CC2D2A: variants seen among roughly 807,000 people sequenced by gnomAD.
CC2D2A encodes coiled-coil and C2 domain-containing protein 2A.
CC2D2A carries 155 observed loss-of-function variants against 212.9 expected under a neutral mutation model. The observed-to-expected ratio is 0.73, with a 90% CI of 0.64 to 0.83. CC2D2A has a LOEUF of 0.83. CC2D2A is among the 40% of genes least tolerant of loss of function. The pLI is 0.00. For missense variants in CC2D2A, 1,856 were observed against 1,956.2 expected (o/e 0.95, Z 0.97); for synonymous variants, 667 against 686.5 (o/e 0.97, Z 0.44).
intron 8 of CC2D2A, among the ~76,000 whole-genome samples, chr4:15,513,274 A>G (rs996724322): frequency 1.3e-5 from 2 of 152,256 alleles, no homozygotes; most frequent in African/African-American, 4.8e-5. Flanking sequence ...AACCCAAAAA[A>G]GAAGCCACAG....
At chr4:15,577,953 A>G (rs1280738183) in intron 29 of CC2D2A, among the ~76,000 whole-genome samples, 1 of 152,234 alleles carries the variant, frequency 6.6e-6, no homozygotes, top group Non-Finnish European at 1.5e-5. Context: ...CAAAACTTGG[A>G]TGAATGAGTA....
intron 17 of CC2D2A, among the ~76,000 whole-genome samples, chr4:15,543,195 A>G (rs545640442): frequency 6.6e-6 from 1 of 152,328 alleles, no homozygotes; most frequent in South Asian, 2.1e-4. Context: ...TGTATTGATA[A>G]CAGGATTGAT....
intron 2 of CC2D2A, among the ~76,000 whole-genome samples, chr4:15,476,327 G>T (rs1440718478): frequency 6.6e-6 from 1 of 152,218 alleles, no homozygotes; most frequent in Admixed American, 6.5e-5. Context: ...ACACTCAGCT[G>T]CTGTGATTGG....
intron 1 of CC2D2A, chr4:15,473,090 A>T (rs1713945649): frequency 6.6e-6 from 1 of 152,356 alleles, no homozygotes; most frequent in East Asian, 1.9e-4. Context: ...GAATGTGGCT[A>T]TGGAACCACA....
chr4:15,482,080 T>G (rs1477910415), intron 4 of CC2D2A: 10 of 985,342 alleles, frequency 1.0e-5, no homozygotes, highest in Non-Finnish European at 1.2e-5. Flanking sequence ...GTGGTTACAC[T>G]TTTTAATTGT....
chr4:15,497,090 A>G (rs987336092), intron 4 of CC2D2A, among the ~76,000 whole-genome samples: 1 of 152,228 alleles, frequency 6.6e-6, no homozygotes, highest in African/African-American at 2.4e-5. Flanking sequence ...AGCAAAAATG[A>G]GCCCAAATAG....
intron 1 of CC2D2A, among the ~76,000 whole-genome samples, chr4:15,473,433 A>G (rs1026198784): frequency 7.2e-5 from 11 of 152,198 alleles, no homozygotes; most frequent in Middle Eastern, 3.2e-3. Flanking sequence ...AGCCATGCAG[A>G]TATCTTGGGA....
intron 13 of CC2D2A, among the ~76,000 whole-genome samples, chr4:15,530,746 T>TGC (rs1185664997): frequency 6.6e-6 from 1 of 152,150 alleles, no homozygotes; most frequent in East Asian, 1.9e-4. Context: ...GGTCTATTGC[T>TGC]GGATGTTTCA....
At position 15,580,007 on chromosome 4, in the gene CC2D2A, G is replaced by A; in HGVS notation, c.3811G>A (p.Glu1271Lys). ...QEDEKLLQAT[E>K]KFQAECALKF... is the part of the protein sequence containing the mutation. The stretch of plus-strand genomic sequence containing the variant: ...AGATGAGAAATTACTTCAAGCAACT[G>A]AGAAGTTTCAAGCTGAATGTGCCTT... Residue 1271 changes from glutamate (E) to lysine (K), a missense_variant, in exon 30 of 37, where the codon GAG becomes AAG. By Grantham distance (56) the Glu-to-Lys change is moderately conservative. This residue lies in a region of CC2D2A where 1,512 missense variants were observed against 1,579.3 expected (regional missense o/e 0.96). Coordinates refer to ENST00000424120, the MANE Select transcript of CC2D2A (RefSeq NM_001378615.1). 6.2e-7 allele frequency: 1 copy of A among 1,613,862 alleles called. No individual in the cohort carries two copies. Among genetic ancestry groups the A allele is most frequent in the East Asian group, 2.2e-5 (1 of 44,862 alleles).
chr4:15,491,071 A>G (rs1234993852), intron 4 of CC2D2A, among the ~76,000 whole-genome samples: 1 of 152,128 alleles, frequency 6.6e-6, no homozygotes, highest in African/African-American at 2.4e-5. Context: ...TTCCTTCTTT[A>G]GCTTGGTGTC....
At chr4:15,476,615 A>T (rs1714230533) in intron 2 of CC2D2A, among the ~76,000 whole-genome samples, 1 of 152,204 alleles carries the variant, frequency 6.6e-6, no homozygotes, top group African/African-American at 2.4e-5. Flanking sequence ...TCACGGTTCT[A>T]TGAACTCTGA....
At chr4:15,551,808 G>A (rs1339148350) in intron 18 of CC2D2A, among the ~76,000 whole-genome samples, 2 of 151,920 alleles carry the variant, frequency 1.3e-5, no homozygotes, top group East Asian at 1.9e-4. Context: ...TCTTGTTTAT[G>A]GTGTCTTGCT....
At chr4:15,524,840 T>C (rs2109021841) in intron 11 of CC2D2A, among the ~76,000 whole-genome samples, 1 of 152,306 alleles carries the variant, frequency 6.6e-6, no homozygotes, top group Non-Finnish European at 1.5e-5. Context: ...AGCATTTCAG[T>C]TTTCAGTTGA....
chr4:15,554,510 T>TA (rs545273444), intron 19 of CC2D2A, among the ~76,000 whole-genome samples: 23 of 151,966 alleles, frequency 1.5e-4, no homozygotes, highest in East Asian at 3.9e-4. Flanking sequence ...CCATCTCTAC[T>TA]AAAAAAAATA....
intron 30 of CC2D2A, among the ~76,000 whole-genome samples, chr4:15,582,009 G>A (rs1560193462): frequency 6.6e-6 from 1 of 152,132 alleles, no homozygotes; most frequent in African/African-American, 2.4e-5. Context: ...TCAGGCCATA[G>A]TAACTCCAGA....
At chr4:15,573,108 AG>A (rs1720241133) in intron 28 of CC2D2A, among the ~76,000 whole-genome samples, 2 of 129,242 alleles carry the variant, frequency 1.5e-5, no homozygotes, top group Admixed American at 8.6e-5. Context: ...AGACACACCC[AG>A]GAACAATACT....
At position 15,514,785 on chromosome 4, in the gene CC2D2A, G is replaced by A; in HGVS notation, c.796G>A (p.Ala266Thr). 1 of 1,613,306 alleles carries A rather than the reference G, an allele frequency of 6.2e-7. No individual in the cohort carries two copies. The highest frequency in any genetic ancestry group is 2.2e-5 in the East Asian group (1 of 44,870). The change falls in exon 9 of 37, where the codon GCA becomes ACA. Residue 266 changes from alanine (A) to threonine (T), a missense_variant. Coordinates refer to ENST00000424120, the MANE Select transcript of CC2D2A (RefSeq NM_001378615.1). ...GLDHVADDFV[A>T]VRPADYESIH... Reference sequence around the variant, plus strand: ...AGATCACGTGGCTGACGATTTTGTAGCAGTCAGACCTGCAGATTATGAAAG... The same window carrying A: ...AGATCACGTGGCTGACGATTTTGTAACAGTCAGACCTGCAGATTATGAAAG...
chr4:15,540,045 A>C (rs566908886), intron 16 of CC2D2A, among the ~76,000 whole-genome samples: 1 of 152,346 alleles, frequency 6.6e-6, no homozygotes, highest in Admixed American at 6.5e-5. Flanking sequence ...TGAATCATAC[A>C]CTTAAAAATG....
At chr4:15,515,019 AAC>A in intron 9 of CC2D2A, 150 bp downstream of exon 9, 1 of 690,664 alleles carries the variant, frequency 1.4e-6, no homozygotes, top group Non-Finnish European at 2.3e-6. Flanking sequence ...AAACAAAAAA[AAC>A]ACAACATGGA....
Sources: gnomAD v4.1 joint callset for allele counts (sites outside exome capture counted in the v4.1 genomes callset) on GRCh38, gnomAD v4.1.1 for gene constraint, gnomAD v4.1.1 regional missense constraint, MANE v1.5 for transcripts, NCBI Gene and HGNC (gene_info 2026-07-23, HGNC 2026-07-21) for gene names.